Variants in FAM3B observed in about 807,000 individuals in gnomAD.
FAM3B encodes the protein FAM3 metabolism regulating signaling molecule B.
Under a neutral mutation model 28.4 loss-of-function variants are expected in FAM3B, and 29 were observed. The observed-to-expected ratio is 1.02, with a 90% CI of 0.76 to 1.39. The LOEUF (loss-of-function observed/expected upper bound fraction) is 1.39. Among genes scored for constraint, FAM3B ranks in the 40% most tolerant of loss-of-function variants. The probability of loss-of-function intolerance (pLI) is 0.00; values close to 1 mark genes in which losing one functional copy is unlikely to be tolerated. For missense variants in FAM3B, 266 were observed against 293.9 expected, an observed-to-expected ratio of 0.91 and a Z score of 0.69; for synonymous variants, 91 against 103.0, an observed-to-expected ratio of 0.88 and a Z score of 0.71.
At chr21:41,308,701 G>A (rs981628162) in intron 1 of FAM3B, among the ~76,000 whole-genome samples, 9 of 151,848 alleles carry the variant, frequency 5.9e-5, no homozygotes, top group African/African-American at 1.9e-4. Flanking sequence ...CCCTACACCC[G>A]ACTAATTTTG....
intron 1 of FAM3B, among the ~76,000 whole-genome samples, chr21:41,311,254 ATATATATATATATATATATATATATATAT>A (rs2088711609): frequency 7.1e-5 from 2 of 28,250 alleles, no homozygotes; most frequent in African/African-American, 2.1e-4. Context: ...AAAAAAAAAT[ATATATATATATATATATATATATATATAT>A]ATATATATAT....
intron 1 of FAM3B, among the ~76,000 whole-genome samples, chr21:41,306,615 C>T (rs987994964): frequency 6.6e-6 from 1 of 152,098 alleles, no homozygotes. Context: ...CTAATGTTTT[C>T]AAAGGAATTT....
chr21:41,323,159 C>T, intron 2 of FAM3B, 93 bp downstream of exon 2: 1 of 1,525,370 alleles, frequency 6.6e-7, no homozygotes, highest in African/African-American at 1.4e-5. Flanking sequence ...GCTGGGGGGC[C>T]CTGACGGCTT....
rs570571697 is a variant in FAM3B at position 41,357,647 on chromosome 21, G to A, written c.*450G>A. Among the ~76,000 whole-genome samples the A allele has an allele frequency of 2.0e-5, 3 of 152,284 alleles. No homozygotes were observed. The South Asian group carries it at 6.2e-4, about 32-fold the overall frequency. On this transcript the variant is annotated 3_prime_UTR_variant, in exon 8 of 8. Transcript: ENST00000357985. Reference sequence around the variant, plus strand: ...CAGCAGTTCAGGGGGCTTATGTTATGTCCTTGTTCAACTCAACTTGAGCTC... The same window carrying A: ...CAGCAGTTCAGGGGGCTTATGTTATATCCTTGTTCAACTCAACTTGAGCTC...
intron 1 of FAM3B, among the ~76,000 whole-genome samples, chr21:41,309,090 CT>C (rs148787889): frequency 0.01 from 1,540 of 152,332 alleles, 17 homozygotes; most frequent in African/African-American, 0.033. Context: ...TACACACAGA[CT>C]TTGTGCACTT....
upstream of FAM3B, among the ~76,000 whole-genome samples, chr21:41,312,837 C>T (rs1017329889): frequency 6.6e-6 from 1 of 152,078 alleles, no homozygotes; most frequent in South Asian, 2.1e-4. Context: ...GCCAGCCTCT[C>T]AGGAGCTGAG....
chr21:41,338,357 A>G (rs763370502), intron 2 of FAM3B, 21 bp from the exon 3 acceptor site: 1 of 1,613,826 alleles, frequency 6.2e-7, no homozygotes, highest in Non-Finnish European at 8.5e-7. Flanking sequence ...TAATGGCTAT[A>G]TACTTTCTTA....
intron 2 of FAM3B, among the ~76,000 whole-genome samples, chr21:41,329,332 G>A (rs769381969): frequency 4.6e-5 from 7 of 152,090 alleles, no homozygotes; most frequent in Admixed American, 1.3e-4. Context: ...ACACCTTCTC[G>A]CCTTGTCCTG....
chr21:41,318,134 G>A (rs1424646700), intron 1 of FAM3B, among the ~76,000 whole-genome samples: 1 of 152,158 alleles, frequency 6.6e-6, no homozygotes, highest in Non-Finnish European at 1.5e-5. Flanking sequence ...CTCATGAGCT[G>A]TGGGGTCCTT....
Position 41,347,188 on chromosome 21 carries a change from G to A in FAM3B, c.485+88G>A, listed in dbSNP as rs564573471. Reference sequence around the variant, plus strand: ...AGGGTCTCTCAGTGACATCCTCTGGGGACAAGCAGAAAGTCCAGGAGCAAA... The same window carrying A: ...AGGGTCTCTCAGTGACATCCTCTGGAGACAAGCAGAAAGTCCAGGAGCAAA... On this transcript the variant is annotated intron_variant, in intron 6 of 7. Transcript: ENST00000357985. 1.7e-4 allele frequency: 180 copies of A among 1,085,594 alleles called. 3 individuals are homozygous for A. The South Asian group carries it at 2.2e-3, about 13-fold the overall frequency. 67.2% of individuals were successfully genotyped at this position (1,085,594 alleles called of 1,614,324 possible).
intron 7 of FAM3B, among the ~76,000 whole-genome samples, chr21:41,356,070 CACACACACACACACAT>C (rs991156831): frequency 6.7e-6 from 1 of 150,284 alleles, no homozygotes; most frequent in African/African-American, 2.5e-5. Context: ...CACACACACA[CACACACACACACACAT>C]AGTTTTACTC....
intron 3 of FAM3B, among the ~76,000 whole-genome samples, chr21:41,341,057 A>G (rs1003536434): frequency 3.3e-5 from 5 of 152,252 alleles, no homozygotes; most frequent in Admixed American, 3.3e-4. Flanking sequence ...ATACACTCAT[A>G]TGTACACACA....
intron 6 of FAM3B, among the ~76,000 whole-genome samples, chr21:41,348,099 C>T (rs913589559): frequency 2.0e-5 from 3 of 152,218 alleles, no homozygotes; most frequent in African/African-American, 7.2e-5. Flanking sequence ...ACCCTCCTGT[C>T]ACTTCCTCTA....
intron 1 of FAM3B, among the ~76,000 whole-genome samples, chr21:41,308,386 G>A (rs1357022613): frequency 2.0e-5 from 3 of 152,182 alleles, no homozygotes; most frequent in Non-Finnish European, 4.4e-5. Flanking sequence ...AGAGGTTCTG[G>A]GTAGTGCTCA....
At chr21:41,316,654 C>CAGGCACAGCCCG (rs1555867583), upstream of FAM3B, 4 of 384,776 alleles carry the variant, frequency 1.0e-5, no homozygotes, top group African/African-American at 4.2e-5. Flanking sequence ...TCAGAGCTCC[C>CAGGCACAGCCCG]GGGCACAGCC....
rs528231469 is a variant in FAM3B, at chr21:41,309,287, A to G, written n.99+4977A>G. Among the ~76,000 whole-genome samples the G allele has an allele frequency of 3.3e-5, 5 of 152,360 alleles. No homozygotes were observed. In the South Asian group the frequency reaches 1.0e-3, roughly 32 times the overall value. ...AGTCTCCTTTTCTGACAAATGGACCATAATAGCTTCAGCCTCCCCTTGGAG... is the reference window on the plus strand; with the variant it reads ...AGTCTCCTTTTCTGACAAATGGACCGTAATAGCTTCAGCCTCCCCTTGGAG... On this transcript the variant is annotated intron_variant and non_coding_transcript_variant, in intron 1 of 9. Transcript: ENST00000479810.
chr21:41,348,801 G>C (rs2145830712), intron 7 of FAM3B, 77 bp downstream of exon 7: 1 of 1,513,210 alleles, frequency 6.6e-7, no homozygotes, highest in Non-Finnish European at 9.1e-7. Context: ...TTCCTGGTGG[G>C]TTATAACTCC....
At chr21:41,327,564 C>G (rs2088864992) in intron 2 of FAM3B, among the ~76,000 whole-genome samples, 1 of 152,204 alleles carries the variant, frequency 6.6e-6, no homozygotes, top group Admixed American at 6.5e-5. Flanking sequence ...GATTTCTTCT[C>G]TGACCCATTG....
In FAM3B at chr21:41,357,189, C is replaced by A; in HGVS notation, c.700C>A (p.Arg234=). 1 of 1,611,130 alleles carries A rather than the reference C, an allele frequency of 6.2e-7. No homozygotes were observed. The highest frequency in any genetic ancestry group is 1.1e-5 in the South Asian group (1 of 90,876). ...GATAGAAGGCTGCATACCCAAAGAA[C>A]GAAGCTGACACTGCAGGGTCCTGAG... ...IQIEGCIPKE[R]S is the part of the protein sequence containing the mutation. The change falls in exon 8 of 8, where the codon CGA becomes AGA. Residue 234 remains arginine (R), a synonymous_variant. Transcript: ENST00000357985.
Sources: allele counts gnomAD v4.1 joint callset (sites outside exome capture counted in the v4.1 genomes callset), GRCh38; gene constraint gnomAD v4.1.1; transcripts MANE v1.5; gene names NCBI Gene and HGNC (gene_info 2026-07-23, HGNC 2026-07-21).